ATF3: variants seen among roughly 807,000 people sequenced by gnomAD.
ATF3 encodes the protein activating transcription factor 3, also known as cyclic AMP-dependent transcription factor ATF-3.
ATF3 carries 10 observed loss-of-function variants against 18.4 expected under a neutral mutation model. The observed-to-expected ratio is 0.54, with a 90% CI of 0.34 to 0.92. The LOEUF is 0.92. ATF3 is among the 40% of genes least tolerant of loss of function. The pLI is 0.02. For missense variants in ATF3, 183 were observed against 222.3 expected, an observed-to-expected ratio of 0.82 and a Z score of 1.12; for synonymous variants, 78 against 87.9, an observed-to-expected ratio of 0.89 and a Z score of 0.63.
At chr1:212,591,328 C>A (rs754612820) in intron 1 of ATF3, among the ~76,000 whole-genome samples, 1 of 152,204 alleles carries the variant, frequency 6.6e-6, no homozygotes, top group African/African-American at 2.4e-5. Context: ...TATTCAACAA[C>A]TGCCACCAGG....
At chr1:212,574,752 T>C (rs3122719) in intron 1 of ATF3, among the ~76,000 whole-genome samples, 77,816 of 151,888 alleles carry the variant, frequency 0.51, 19,883 homozygotes, top group Admixed American at 0.55. Context: ...CCCAGTCTCA[T>C]GAGTTCCTCC....
chr1:212,615,271 A>G lies in ATF3; in HGVS notation c.240+10A>G, dbSNP rs758018947. The G allele has an allele frequency of 1.2e-6, 2 of 1,607,684 alleles. No individual in the cohort carries two copies. Among genetic ancestry groups the G allele is most frequent in the Non-Finnish European group, 8.5e-7 (1 of 1,179,432 alleles). ...CATCACAAAAGCCGAGGTGGGTTCT[A>G]TCACAGGTATTCATTCTTTCGGCAC... On this transcript the variant is annotated intron_variant, in intron 2 of 3. Coordinates refer to ENST00000341491, the MANE Select transcript of ATF3 (RefSeq NM_001674.4).
upstream of ATF3, among the ~76,000 whole-genome samples, chr1:212,606,860 C>G (rs1450773024): frequency 6.6e-6 from 1 of 152,148 alleles, no homozygotes; most frequent in Non-Finnish European, 1.5e-5. Flanking sequence ...TACCTGCGCG[C>G]ACTCCAGCGG....
chr1:212,606,709 A>G (rs565207232), upstream of ATF3, among the ~76,000 whole-genome samples: 1 of 152,368 alleles, frequency 6.6e-6, no homozygotes, highest in East Asian at 1.9e-4. Context: ...TTCACTTTAT[A>G]ATGGTGCTAT....
chr1:212,607,687 G>T (rs1326245603), upstream of ATF3, among the ~76,000 whole-genome samples: 1 of 152,222 alleles, frequency 6.6e-6, no homozygotes, highest in Non-Finnish European at 1.5e-5. Flanking sequence ...AGCTGAACAT[G>T]GGTTTTCCCT....
At chr1:212,595,878 A>G (rs1056802797) in intron 1 of ATF3, among the ~76,000 whole-genome samples, 5 of 152,228 alleles carry the variant, frequency 3.3e-5, no homozygotes, top group Non-Finnish European at 7.3e-5. Context: ...TACACAAGGA[A>G]GTGACTTTGA....
chr1:212,576,056 A>G lies in ATF3; in HGVS notation c.-5+10573A>G, dbSNP rs115240709. Among the ~76,000 whole-genome samples, 390 of 152,246 alleles carry G rather than the reference A, an allele frequency of 2.6e-3. 2 individuals are homozygous for G. Among genetic ancestry groups the G allele is most frequent in the African/African-American group, 9.0e-3 (376 of 41,566 alleles). Reference sequence around the variant, plus strand: ...TTGTCGTTTAAAGCAGGGCTTATCTATTTCTTAAAAATCTGGTAAATGTTT... The same window carrying G: ...TTGTCGTTTAAAGCAGGGCTTATCTGTTTCTTAAAAATCTGGTAAATGTTT... On this transcript the variant is annotated intron_variant, in intron 1 of 3. Coordinates refer to the ATF3 transcript ENST00000366981.
chr1:212,567,076 C>T (rs992986583), intron 1 of ATF3, among the ~76,000 whole-genome samples: 1 of 152,192 alleles, frequency 6.6e-6, no homozygotes, highest in African/African-American at 2.4e-5. Flanking sequence ...TTGGCCACTT[C>T]TTTGAAGCTG....
intron 1 of ATF3, among the ~76,000 whole-genome samples, chr1:212,581,242 G>C (rs1048036013): frequency 8.5e-5 from 13 of 152,218 alleles, no homozygotes; most frequent in African/African-American, 2.4e-4. Flanking sequence ...GCCGGCCCCT[G>C]CAGGGCTCTT....
At chr1:212,576,559 A>T (rs1487320183) in intron 1 of ATF3, among the ~76,000 whole-genome samples, 2 of 150,758 alleles carry the variant, frequency 1.3e-5, no homozygotes, top group African/African-American at 2.4e-5. Context: ...GCTTTTACTG[A>T]TTTTTTTTCT....
intron 1 of ATF3, among the ~76,000 whole-genome samples, chr1:212,609,425 G>A (rs1325573141): frequency 6.6e-6 from 1 of 152,034 alleles, no homozygotes; most frequent in African/African-American, 2.4e-5. Flanking sequence ...TTGCGGGAGG[G>A]CTGCCCCACG....
intron 1 of ATF3, among the ~76,000 whole-genome samples, chr1:212,610,123 C>A (rs1654834124): frequency 1.3e-5 from 2 of 152,206 alleles, no homozygotes; most frequent in Admixed American, 6.5e-5. Context: ...CCACTGGATT[C>A]GTTCTCCTTC....
At chr1:212,580,180 G>C (rs1664656434) in intron 1 of ATF3, among the ~76,000 whole-genome samples, 1 of 151,720 alleles carries the variant, frequency 6.6e-6, no homozygotes, top group Non-Finnish European at 1.5e-5. Context: ...GAAAGAAACA[G>C]TTGTAGAGTT....
chr1:212,571,964 G>A (rs1374095053), intron 1 of ATF3, among the ~76,000 whole-genome samples: 1 of 151,496 alleles, frequency 6.6e-6, no homozygotes, highest in African/African-American at 2.4e-5. Context: ...CGCCCGGCTC[G>A]GCCTCCCAAA....
chr1:212,604,371 G>A (rs1654566038), upstream of ATF3, among the ~76,000 whole-genome samples: 1 of 152,142 alleles, frequency 6.6e-6, no homozygotes, highest in Non-Finnish European at 1.5e-5. Flanking sequence ...TGCTACCTGG[G>A]TTTTGGCCCT....
chr1:212,612,701 C>A (rs1163725361), intron 1 of ATF3, among the ~76,000 whole-genome samples: 1 of 152,222 alleles, frequency 6.6e-6, no homozygotes, highest in Non-Finnish European at 1.5e-5. Flanking sequence ...GCCTGGGTTT[C>A]TTTGACTAGT....
intron 1 of ATF3, among the ~76,000 whole-genome samples, chr1:212,583,757 G>A (rs1276277581): frequency 6.6e-6 from 1 of 152,206 alleles, no homozygotes; most frequent in Non-Finnish European, 1.5e-5. Flanking sequence ...ACAGAGGAGG[G>A]CAGGAAGTGG....
chr1:212,619,478 G>A lies in ATF3; in HGVS notation c.469G>A (p.Ala157Thr). The A allele has an allele frequency of 6.2e-7, 1 of 1,614,178 alleles. No homozygotes were observed. Among genetic ancestry groups the A allele is most frequent in the Non-Finnish European group, 8.5e-7 (1 of 1,180,032 alleles). ...TCATCGGCCCACGTGTATTGTCCGG[G>A]CTCAGAATGGGAGGACTCCAGAAGA... ...NLHRPTCIVR[A>T]QNGRTPEDER... The change falls in exon 4 of 4, where the codon GCT (alanine) becomes ACT (threonine). Residue 157 changes from alanine to threonine, a missense_variant. Transcript: ENST00000341491. The surrounding 1 kb of genome is among the most constrained non-coding windows in gnomAD (Gnocchi z 4.4).
upstream of ATF3, among the ~76,000 whole-genome samples, chr1:212,607,747 A>G (rs1654681152): frequency 6.6e-6 from 1 of 152,048 alleles, no homozygotes; most frequent in South Asian, 2.1e-4. Flanking sequence ...AGGTTCGCGG[A>G]CCCCAAAGCA....
Sources: allele counts gnomAD v4.1 joint callset (sites outside exome capture counted in the v4.1 genomes callset), GRCh38; gene constraint gnomAD v4.1.1; non-coding constraint Gnocchi (gnomAD v3.1); transcripts MANE v1.5; gene names NCBI Gene and HGNC (gene_info 2026-07-23, HGNC 2026-07-21).